Variants in ZSWIM2 observed in about 807,000 individuals in gnomAD.
ZSWIM2 encodes the protein E3 ubiquitin-protein ligase ZSWIM2.
ZSWIM2 carries 38 observed loss-of-function variants against 48.4 expected under a neutral mutation model. That is an observed-to-expected ratio of 0.79 (90% CI 0.61 to 1.03). The LOEUF (loss-of-function observed/expected upper bound fraction) is 1.03. Among genes scored for constraint, ZSWIM2 ranks in the 50% least tolerant of loss-of-function variants. The pLI, the probability that ZSWIM2 is intolerant of heterozygous loss-of-function variation, is 0.00. For missense variants in ZSWIM2, 776 were observed against 730.2 expected, an observed-to-expected ratio of 1.06 and a Z score of -0.72; for synonymous variants, 240 against 251.3, an observed-to-expected ratio of 0.96 and a Z score of 0.42.
intron 1 of ZSWIM2, 39 bp downstream of exon 1, chr2:186,848,927 G>A: frequency 1.2e-6 from 2 of 1,611,786 alleles, no homozygotes; most frequent in East Asian, 2.2e-5. Context: ...TGGTGGGCGG[G>A]GATGATGGCC....
chr2:186,844,590 A>G (rs1691962200), intron 3 of ZSWIM2, 127 bp downstream of exon 3: 4 of 888,300 alleles, frequency 4.5e-6, no homozygotes, highest in Non-Finnish European at 6.6e-6. Flanking sequence ...AGCTACTGAT[A>G]GTTACGATTC....
chr2:186,837,195 C>T (rs1691808348), intron 5 of ZSWIM2, 111 bp downstream of exon 5: 1 of 1,134,496 alleles, frequency 8.8e-7, no homozygotes, highest in Non-Finnish European at 1.3e-6. Flanking sequence ...ACAAGTCAAA[C>T]AGTATATGCA....
At chr2:186,835,297 CA>C (rs1691774162) in intron 5 of ZSWIM2, among the ~76,000 whole-genome samples, 1 of 152,092 alleles carries the variant, frequency 6.6e-6, no homozygotes, top group Non-Finnish European at 1.5e-5. Context: ...AATTTTGTCA[CA>C]AGTAGAGGAT....
chr2:186,830,659 G>A (rs1691683267), intron 7 of ZSWIM2, among the ~76,000 whole-genome samples: 4 of 151,030 alleles, frequency 2.6e-5, no homozygotes, highest in Admixed American at 2.6e-4. Flanking sequence ...GTTTTCATCT[G>A]GGGTATATTC....
Position 186,827,938 on chromosome 2 carries a change from AT to A in ZSWIM2, c.*45del, listed in dbSNP as rs775379352. ...GTGCTTTTTATGTTCTATATAAAAC[AT>A]TTTTTTATATTCAACATTCAAATAT... On this transcript the variant is annotated 3_prime_UTR_variant, in exon 9 of 9. Coordinates refer to ENST00000295131, the MANE Select transcript of ZSWIM2 (RefSeq NM_182521.3). 17 of 1,425,542 alleles carry A rather than the reference AT, an allele frequency of 1.2e-5. No individual in the cohort carries two copies. Among genetic ancestry groups the A allele is most frequent in the South Asian group, 3.0e-5 (2 of 67,622 alleles). 88.3% of individuals were successfully genotyped at this position (1,425,542 alleles called of 1,614,324 possible). A position where few individuals can be genotyped will look rare whatever the true frequency, so the allele number is the denominator to read the frequency against.
At chr2:186,846,934 T>C (rs1301839806) in intron 2 of ZSWIM2, among the ~76,000 whole-genome samples, 1 of 151,640 alleles carries the variant, frequency 6.6e-6, no homozygotes, top group Non-Finnish European at 1.5e-5. Flanking sequence ...AAATAGAAAG[T>C]CAAATACTGC....
rs10211050 is a variant in ZSWIM2, at chr2:186,838,156, A to T, written c.495-602T>A. Among the ~76,000 whole-genome samples, 33 of 151,440 alleles carry T rather than the reference A, an allele frequency of 2.2e-4. No individual in the cohort carries two copies. In the South Asian group the frequency reaches 6.2e-3, roughly 29 times the overall value. The stretch of plus-strand genomic sequence containing the variant: ...GGAAAATGACTGTCCAAATTTTTCA[A>T]GTCCAACTTTATAGTGCTGTGAAGA... On this transcript the variant is annotated intron_variant, in intron 4 of 8. Transcript: ENST00000295131.
At chr2:186,832,304 T>C (rs1454585349) in intron 7 of ZSWIM2, among the ~76,000 whole-genome samples, 1 of 150,436 alleles carries the variant, frequency 6.6e-6, no homozygotes, top group East Asian at 2.0e-4. Flanking sequence ...TTTTTTTTAG[T>C]AGAGGCATGG....
At chr2:186,843,084 A>G (rs927781888) in intron 3 of ZSWIM2, among the ~76,000 whole-genome samples, 5 of 151,688 alleles carry the variant, frequency 3.3e-5, no homozygotes, top group Admixed American at 6.6e-5. Flanking sequence ...GTTAAAATAC[A>G]TATTAAAGTT....
intron 5 of ZSWIM2, among the ~76,000 whole-genome samples, chr2:186,835,973 A>G (rs538214417): frequency 2.4e-4 from 37 of 152,268 alleles, no homozygotes; most frequent in African/African-American, 8.9e-4. Flanking sequence ...CTTAGTAGGA[A>G]GAATAATGCC....
At chr2:186,832,159 G>A (rs186489404) in intron 7 of ZSWIM2, among the ~76,000 whole-genome samples, 9 of 149,646 alleles carry the variant, frequency 6.0e-5, no homozygotes, top group Admixed American at 1.3e-4. Context: ...CTGTTGCCTC[G>A]GTTGGAGTAC....
At chr2:186,833,301 G>A (rs1574138055) in intron 6 of ZSWIM2, 69 bp from the exon 7 acceptor site, 1 of 708,066 alleles carries the variant, frequency 1.4e-6, no homozygotes, top group Non-Finnish European at 2.3e-6. Flanking sequence ...AGAAAAATTA[G>A]TTGGTTGCGT....
chr2:186,836,295 C>T (rs1332544458), intron 5 of ZSWIM2, among the ~76,000 whole-genome samples: 1 of 152,084 alleles, frequency 6.6e-6, no homozygotes, highest in African/African-American at 2.4e-5. Context: ...TCCTCTTTGA[C>T]CAACATTCCT....
chr2:186,828,037 C>G lies in ZSWIM2; in HGVS notation c.1849G>C (p.Val617Leu), dbSNP rs1376478414. 2.5e-6 allele frequency: 4 copies of G among 1,610,730 alleles called. No individual in the cohort carries two copies. Among genetic ancestry groups the G allele is most frequent in the Non-Finnish European group, 3.4e-6 (4 of 1,178,896 alleles). Residue 617 changes from valine (V) to leucine (L), a missense_variant, in exon 9 of 9, where the codon GTA becomes CTA. By Grantham distance (32) the Val-to-Leu change is conservative. Transcript: ENST00000295131. ...GATAGCTCAGTACTTTTTGTATTTA[C>G]AGAGTGAGACACAGGCTGTCTTGAT... ...HLSRQPVSHS[V>L]NTKSTELSLI...
chr2:186,845,270 C>T (rs1185684776), intron 2 of ZSWIM2, among the ~76,000 whole-genome samples: 4 of 151,112 alleles, frequency 2.6e-5, no homozygotes, highest in Non-Finnish European at 5.9e-5. Context: ...ACTAAATATA[C>T]TTTAGTATAT....
In ZSWIM2 at chr2:186,844,723, G is replaced by T; in HGVS notation, c.277C>A (p.His93Asn). The part of the protein sequence containing the change: ...LLKKFKLPRN[H>N]ESALQLGLGE... ...CCCAAACCCCAAAACTTACATTCAT[G>T]GTTCCTTGGAAGCTTGAATTTTTTC... Residue 93 changes from histidine (H) to asparagine (N), a missense_variant, in exon 3 of 9, where the codon CAT becomes AAT. Transcript: ENST00000295131. The T allele has an allele frequency of 6.4e-7, 1 of 1,555,556 alleles. No homozygotes were observed. Among genetic ancestry groups the T allele is most frequent in the African/African-American group, 1.4e-5 (1 of 70,622 alleles).
intron 3 of ZSWIM2, among the ~76,000 whole-genome samples, chr2:186,842,566 T>C (rs1267849805): frequency 6.6e-6 from 1 of 151,472 alleles, no homozygotes; most frequent in Non-Finnish European, 1.5e-5. Context: ...ACAAAATTGC[T>C]GTGTTTGCAG....
chr2:186,848,989 C>G lies in ZSWIM2; in HGVS notation c.142G>C (p.Glu48Gln). 6.2e-7 allele frequency: 1 copy of G among 1,614,112 alleles called. No individual in the cohort carries two copies. The highest frequency in any genetic ancestry group is 8.5e-7 in the Non-Finnish European group (1 of 1,180,004). Residue 48 changes from glutamate (E) to glutamine (Q), a missense_variant, in exon 1 of 9, where the codon GAG (glutamate) becomes CAG (glutamine). Transcript: ENST00000295131. ...GPTGFLLREE[E>Q]PEYMDFRVFL... Reference sequence around the variant, plus strand: ...ACTCGGAAATCCATGTATTCCGGCTCCTCCTCCCTCAGCAGGAAGCCAGTG... The same window carrying G: ...ACTCGGAAATCCATGTATTCCGGCTGCTCCTCCCTCAGCAGGAAGCCAGTG...
chr2:186,834,158 ACT>A, intron 5 of ZSWIM2, 128 bp from the exon 6 acceptor site: 1 of 653,658 alleles, frequency 1.5e-6, no homozygotes, highest in Non-Finnish European at 2.7e-6. Context: ...CTCAAGTCAC[ACT>A]GTGTATTAGT....
Sources: allele counts gnomAD v4.1 joint callset (sites outside exome capture counted in the v4.1 genomes callset), GRCh38; gene constraint gnomAD v4.1.1; transcripts MANE v1.5; gene names NCBI Gene and HGNC (gene_info 2026-07-23, HGNC 2026-07-21).